The following LMF1 variants were observed in gnomAD, a reference collection of about 807,000 sequenced individuals.
The protein encoded by LMF1 is transmembrane protein 112.
A neutral mutation model predicts 60.6 loss-of-function variants in LMF1; 68 were observed. That is an observed-to-expected ratio of 1.12 (90% CI 0.92 to 1.37). The LOEUF is 1.37. Ranked by LOEUF, LMF1 falls within the 40% of genes most tolerant of loss-of-function variation. The probability of loss-of-function intolerance (pLI) is 0.00; values close to 1 mark genes in which losing one functional copy is unlikely to be tolerated. For synonymous variants in LMF1, 418 were observed against 324.7 expected (o/e 1.29, Z -3.09); for missense variants, 948 against 767.2 (o/e 1.24, Z -2.78).
At chr16:931,558 C>T in intron 3 of LMF1, 1 of 1,167,212 alleles carries the variant, frequency 8.6e-7, no homozygotes, top group Non-Finnish European at 1.1e-6. Context: ...GGAAAGGAGC[C>T]TCCCCAGAGG....
intron 10 of LMF1, chr16:855,845 T>A (rs1431767454): frequency 2.2e-6 from 1 of 456,058 alleles, no homozygotes; most frequent in South Asian, 1.5e-5. Context: ...TGCACACAGC[T>A]GTGCTCTGGG....
chr16:879,635 G>A lies in LMF1; in HGVS notation c.832C>T (p.Pro278Ser), dbSNP rs1411748007. The change falls in exon 6 of 11, where the codon CCC (proline) becomes TCC (serine). Residue 278 changes from proline (P) to serine (S), a missense_variant. By Grantham distance (74) the Pro-to-Ser change is moderately conservative. Transcript: ENST00000262301. ...CGCCGGCCGAGGAAGAGGAAGAAGGGCACCAGGAGCTCGATGAAGTGGTTG... is the reference window on the plus strand; with the variant it reads ...CGCCGGCCGAGGAAGAGGAAGAAGGACACCAGGAGCTCGATGAAGTGGTTG... ...LSNHFIELLV[P>S]FFLFLGRRAC... 1 of 1,613,434 alleles carries A rather than the reference G, an allele frequency of 6.2e-7. No homozygotes were observed. The highest frequency in any genetic ancestry group is 8.5e-7 in the Non-Finnish European group (1 of 1,179,736).
At chr16:863,730 T>C (rs1308138449) in intron 10 of LMF1, among the ~76,000 whole-genome samples, 1 of 152,178 alleles carries the variant, frequency 6.6e-6, no homozygotes, top group African/African-American at 2.4e-5. Flanking sequence ...ACGTCCTGGG[T>C]TCACACAGTC....
chr16:854,829 GGAGCCCCCACCCT>G, intron 10 of LMF1, 123 bp from the exon 11 acceptor site: 1 of 909,222 alleles, frequency 1.1e-6, no homozygotes, highest in South Asian at 1.4e-5. Context: ...GGCTGCATGA[GGAGCCCCCACCCT>G]GAGCACAGGT....
In LMF1 at chr16:854,542, C is replaced by T. The variant is rs750381542; in HGVS notation, c.1694G>A (p.Gly565Glu). The change falls in exon 11 of 11, where the codon GGG becomes GAG. Residue 565 changes from glycine to glutamate, a missense_variant. Transcript: ENST00000262301. ...YFRDRGWPLP[G>E]PL is the part of the protein sequence containing the mutation. ...ATTTCTGGTGCACGTCTAGAGGGGC[C>T]CGGGCAGAGGCCACCCACGGTCCCT... 2.5e-6 allele frequency: 4 copies of T among 1,607,512 alleles called. No homozygotes were observed. Among genetic ancestry groups the T allele is most frequent in the Non-Finnish European group, 3.4e-6 (4 of 1,179,024 alleles).
intron 10 of LMF1, among the ~76,000 whole-genome samples, chr16:860,950 T>C (rs1001366): frequency 0.12 from 17,988 of 152,182 alleles, 3,194 homozygotes; most frequent in African/African-American, 0.39. Context: ...TAGCTATTTT[T>C]GCTCCTTTAC....
In LMF1 at chr16:869,877, C is replaced by T. The variant is rs1272353349; in HGVS notation, c.1416+6G>A. The T allele has an allele frequency of 1.2e-6, 2 of 1,610,558 alleles. No individual in the cohort carries two copies. Among genetic ancestry groups the T allele is most frequent in the South Asian group, 2.2e-5 (2 of 90,818 alleles). ...GTCCATGCGCCCGCCAGGGACCGTC[C>T]CCCACCTGGAAGGCCGCGAACCACA... On this transcript the variant is annotated splice_donor_region_variant and intron_variant, in intron 9 of 10. Coordinates refer to ENST00000262301, the MANE Select transcript of LMF1 (RefSeq NM_022773.4).
At chr16:893,577 T>C (rs1290404769) in intron 4 of LMF1, among the ~76,000 whole-genome samples, 1 of 152,106 alleles carries the variant, frequency 6.6e-6, no homozygotes, top group East Asian at 1.9e-4. Context: ...GCAGCTCGCC[T>C]GCTGTGAGGA....
intron 3 of LMF1, chr16:934,006 A>C (rs1332056741): frequency 6.7e-7 from 1 of 1,486,194 alleles, no homozygotes; most frequent in South Asian, 1.2e-5. Flanking sequence ...AGATGCCGAC[A>C]ATCATGCGTG....
chr16:871,674 TCA>T lies in LMF1; in HGVS notation c.898-335_898-334del, dbSNP rs2069798365. ...TGTGCCCTCCTGGAACTCCTCACTT[TCA>T]GAGGGCACCTGCCGGGGTCATGCCC... On this transcript the variant is annotated intron_variant, in intron 6 of 10. Transcript: ENST00000262301. The T allele has an allele frequency of 1.1e-5, 3 of 269,942 alleles. No homozygotes were observed. The South Asian group carries it at 2.1e-4, about 19-fold the overall frequency. The allele number at this position is 269,942 out of a possible 1,614,324, so 16.7% of individuals were successfully genotyped here.
At chr16:856,063 G>C in intron 10 of LMF1, 1 of 425,034 alleles carries the variant, frequency 2.4e-6, no homozygotes, top group South Asian at 1.7e-5. Context: ...CGCCTGATGG[G>C]AGAGAGGGAT....
In LMF1 at chr16:928,595, C is replaced by T. The variant is rs185552313; in HGVS notation, c.514+5649G>A. Among the ~76,000 whole-genome samples the T allele has an allele frequency of 5.3e-4, 80 of 152,266 alleles. 2 individuals are homozygous for T. The East Asian group carries it at 0.014, about 27-fold the overall frequency. On this transcript the variant is annotated intron_variant, in intron 3 of 10. Transcript: ENST00000262301. ...CCCAGCTGACACCCTCACTTCACTG[C>T]CCTGAGGGAGCAGGGGGGCAAAGGC...
At chr16:872,039 G>C (rs541102401) in intron 6 of LMF1, 1 of 152,260 alleles carries the variant, frequency 6.6e-6, no homozygotes. Context: ...GCCAGCGATC[G>C]TTAGGTGACG....
intron 5 of LMF1, among the ~76,000 whole-genome samples, chr16:882,421 C>G (rs1010174793): frequency 6.6e-6 from 1 of 152,236 alleles, no homozygotes; most frequent in African/African-American, 2.4e-5. Context: ...TTAAAGGTCC[C>G]TCTACTCTGA....
intron 10 of LMF1, among the ~76,000 whole-genome samples, chr16:860,111 T>C (rs981590025): frequency 2.0e-5 from 3 of 151,574 alleles, no homozygotes; most frequent in African/African-American, 4.9e-5. Context: ...TATTAAGTTA[T>C]GAAACTTCTT....
chr16:934,911 C>T (rs1201767007), intron 2 of LMF1, among the ~76,000 whole-genome samples: 1 of 152,230 alleles, frequency 6.6e-6, no homozygotes, highest in African/African-American at 2.4e-5. Flanking sequence ...GAAGAAACCC[C>T]CTCTGCCACC....
chr16:971,478 G>C (rs1226884147), upstream of LMF1, among the ~76,000 whole-genome samples: 1 of 152,270 alleles, frequency 6.6e-6, no homozygotes, highest in Non-Finnish European at 1.5e-5. Context: ...GCAAGGGACA[G>C]AGTAGGCAGG....
Position 954,529 on chromosome 16 carries a change from G to C in LMF1, c.331C>G (p.Pro111Ala). ...CAGTCCATCAGCCAGAGGATGGTGG[G>C]CATGTAGCTGAAGACTTCCCAGCTC... ...RTSWEVFSYMPTILWLMDWSD... is the reference protein window; with the variant it reads ...RTSWEVFSYMATILWLMDWSD... The change falls in exon 2 of 11, where the codon CCC (proline) becomes GCC (alanine). Residue 111 changes from proline to alanine, a missense_variant. Coordinates refer to ENST00000262301, the MANE Select transcript of LMF1 (RefSeq NM_022773.4). 1 of 1,612,958 alleles carries C rather than the reference G, an allele frequency of 6.2e-7. No individual in the cohort carries two copies. Among genetic ancestry groups the C allele is most frequent in the African/African-American group, 1.3e-5 (1 of 75,046 alleles).
intron 2 of LMF1, among the ~76,000 whole-genome samples, chr16:952,866 C>A: frequency 1.4e-5 from 2 of 141,740 alleles, no homozygotes; most frequent in African/African-American, 2.8e-5. Context: ...CACCCCAAAC[C>A]AGCCTCCTAC....
Sources: allele counts gnomAD v4.1 joint callset (sites outside exome capture counted in the v4.1 genomes callset), GRCh38; gene constraint gnomAD v4.1.1; transcripts MANE v1.5; gene names NCBI Gene and HGNC (gene_info 2026-07-23, HGNC 2026-07-21).